UBE2F: variants seen among roughly 807,000 people sequenced by gnomAD.
The protein encoded by UBE2F is ubiquitin conjugating enzyme E2 F (putative).
A neutral mutation model predicts 29.6 loss-of-function variants in UBE2F; 5 were observed. That is an observed-to-expected ratio of 0.17 (90% CI 0.09 to 0.36). UBE2F has a LOEUF of 0.36. Among genes scored for constraint, UBE2F ranks in the 10% least tolerant of loss-of-function variants. The pLI is 1.00. For missense variants in UBE2F, 141 were observed against 228.5 expected, an observed-to-expected ratio of 0.62 and a Z score of 2.47; for synonymous variants, 66 against 81.8, an observed-to-expected ratio of 0.81 and a Z score of 1.04.
At chr2:238,031,361 T>C (rs2064573493) in intron 7 of UBE2F, among the ~76,000 whole-genome samples, 1 of 152,170 alleles carries the variant, frequency 6.6e-6, no homozygotes, top group Non-Finnish European at 1.5e-5. Context: ...GGGTGGGTGC[T>C]CTGGGGAACA....
chr2:238,032,092 A>G, intron 7 of UBE2F, 130 bp from the exon 8 acceptor site: 1 of 682,684 alleles, frequency 1.5e-6, no homozygotes, highest in East Asian at 2.7e-5. Flanking sequence ...TTAATTTTCT[A>G]TCTTGAGAAA....
At chr2:237,983,307 A>T (rs1160337462) in intron 2 of UBE2F, among the ~76,000 whole-genome samples, 1 of 152,198 alleles carries the variant, frequency 6.6e-6, no homozygotes, top group African/African-American at 2.4e-5. Context: ...CCTTTTTCTC[A>T]GTGTGAGAAG....
intron 2 of UBE2F, among the ~76,000 whole-genome samples, chr2:237,980,257 C>T (rs2063353428): frequency 6.6e-6 from 1 of 152,176 alleles, no homozygotes; most frequent in Non-Finnish European, 1.5e-5. Context: ...GCCTGTGTGA[C>T]CAGCCTTTTG....
At chr2:237,981,577 C>T (rs1387102699) in intron 2 of UBE2F, among the ~76,000 whole-genome samples, 1 of 144,760 alleles carries the variant, frequency 6.9e-6, no homozygotes, top group Non-Finnish European at 1.5e-5. Flanking sequence ...ACTGAACATG[C>T]AAATGTGAGC....
chr2:237,975,739 A>G (rs1456871744), intron 2 of UBE2F, among the ~76,000 whole-genome samples: 1 of 152,126 alleles, frequency 6.6e-6, no homozygotes, highest in Admixed American at 6.5e-5. Flanking sequence ...CCTGGGTTCA[A>G]GCGATTCTCA....
chr2:237,985,400 G>A (rs567148578), intron 2 of UBE2F, among the ~76,000 whole-genome samples: 19 of 151,412 alleles, frequency 1.3e-4, no homozygotes, highest in African/African-American at 4.1e-4. Flanking sequence ...AGTCACCACC[G>A]TTTTCTGTTC....
At chr2:237,999,988 C>G (rs1222233229) in intron 4 of UBE2F, among the ~76,000 whole-genome samples, 1 of 151,994 alleles carries the variant, frequency 6.6e-6, no homozygotes, top group African/African-American at 2.4e-5. Flanking sequence ...CCATACCCAG[C>G]TAATTTTTAT....
At chr2:238,029,956 T>A (rs1019714126) in intron 6 of UBE2F, among the ~76,000 whole-genome samples, 2 of 151,914 alleles carry the variant, frequency 1.3e-5, no homozygotes, top group African/African-American at 4.8e-5. Flanking sequence ...TCTTTCTTTT[T>A]TTTTTTTTGA....
chr2:238,012,638 T>C (rs2064064223), intron 4 of UBE2F, among the ~76,000 whole-genome samples: 1 of 152,082 alleles, frequency 6.6e-6, no homozygotes, highest in Non-Finnish European at 1.5e-5. Context: ...CAAACTAGTC[T>C]GCGAAATCAC....
At chr2:238,023,646 A>G (rs1424607172) in intron 5 of UBE2F, among the ~76,000 whole-genome samples, 1 of 152,230 alleles carries the variant, frequency 6.6e-6, no homozygotes, top group Non-Finnish European at 1.5e-5. Flanking sequence ...ATAGCAGATG[A>G]TACACAGGGA....
At chr2:238,036,697 A>G (rs557518251) in intron 9 of UBE2F, among the ~76,000 whole-genome samples, 1 of 152,172 alleles carries the variant, frequency 6.6e-6, no homozygotes, top group Non-Finnish European at 1.5e-5. Context: ...ATGGTGGCAC[A>G]CGCCTGTGGT....
chr2:237,991,609 C>CTTTCTTTTTT (rs57180067), intron 3 of UBE2F, among the ~76,000 whole-genome samples: 3 of 53,052 alleles, frequency 5.7e-5, no homozygotes, highest in Non-Finnish European at 7.0e-5. Flanking sequence ...TTCTTTCTTT[C>CTTTCTTTTTT]TTTTTTTTTT....
intron 3 of UBE2F, among the ~76,000 whole-genome samples, chr2:237,993,476 G>A (rs1288432528): frequency 1.3e-5 from 2 of 152,152 alleles, no homozygotes; most frequent in African/African-American, 4.8e-5. Flanking sequence ...ACTTTCAGAG[G>A]CCAAGGTGAG....
Position 238,041,874 on chromosome 2 carries a change from T to C in UBE2F, c.*536T>C, listed in dbSNP as rs936132551. Reference sequence around the variant, plus strand: ...AGAGTCATTCACTGTAGATCTCTTATTGAAATGCGTATTTTATTTAATGTA... The same window carrying C: ...AGAGTCATTCACTGTAGATCTCTTACTGAAATGCGTATTTTATTTAATGTA... On this transcript the variant is annotated 3_prime_UTR_variant, in exon 10 of 10. Coordinates refer to ENST00000272930, the MANE Select transcript of UBE2F (RefSeq NM_080678.3). 6.5e-6 allele frequency: 1 copy of C among 152,784 alleles called. No individual in the cohort carries two copies. The highest frequency in any genetic ancestry group is 1.5e-5 in the Non-Finnish European group (1 of 68,138). 9.5% of individuals were successfully genotyped at this position (152,784 alleles called of 1,614,324 possible). A position where few individuals can be genotyped will look rare whatever the true frequency, so the allele number is the denominator to read the frequency against.
At chr2:237,997,449 A>G (rs546344632) in intron 4 of UBE2F, among the ~76,000 whole-genome samples, 1 of 152,316 alleles carries the variant, frequency 6.6e-6, no homozygotes, top group South Asian at 2.1e-4. Flanking sequence ...TGGCCGAGAT[A>G]TGCCAACCGG....
chr2:238,003,784 A>T (rs1308101279), intron 4 of UBE2F, among the ~76,000 whole-genome samples: 1 of 152,168 alleles, frequency 6.6e-6, no homozygotes, highest in South Asian at 2.1e-4. Context: ...ATTTACATAC[A>T]GTAAGTTTGC....
intron 6 of UBE2F, among the ~76,000 whole-genome samples, chr2:238,027,574 A>T (rs1238354754): frequency 6.6e-6 from 1 of 152,192 alleles, no homozygotes; most frequent in Non-Finnish European, 1.5e-5. Context: ...TTGGTCCTTC[A>T]GCCACGTAGA....
At chr2:238,000,558 G>A (rs1441685922) in intron 4 of UBE2F, among the ~76,000 whole-genome samples, 1 of 152,152 alleles carries the variant, frequency 6.6e-6, no homozygotes, top group East Asian at 1.9e-4. Context: ...TTTACCCGTT[G>A]ACCAGTGGAC....
intron 2 of UBE2F, among the ~76,000 whole-genome samples, chr2:237,974,507 T>G (rs1306907296): frequency 8.6e-6 from 1 of 116,844 alleles, no homozygotes; most frequent in African/African-American, 3.4e-5. Flanking sequence ...TGTGGTTTTT[T>G]TTTTTTTGTT....
Sources: gnomAD v4.1 joint callset for allele counts (sites outside exome capture counted in the v4.1 genomes callset) on GRCh38, gnomAD v4.1.1 for gene constraint, MANE v1.5 for transcripts, NCBI Gene and HGNC (gene_info 2026-07-23, HGNC 2026-07-21) for gene names.